SYF2: variants seen among roughly 807,000 people sequenced by gnomAD.
SYF2 encodes the protein SYF2 pre-mRNA splicing factor.
In SYF2, 21 loss-of-function variants were observed where a neutral mutation model predicts 32.7. The observed-to-expected ratio is 0.64, with a 90% CI of 0.45 to 0.92. The LOEUF (loss-of-function observed/expected upper bound fraction) is 0.92, where lower values mean the gene tolerates loss of function less well. SYF2 is among the 40% of genes least tolerant of loss of function. The pLI, the probability that SYF2 is intolerant of heterozygous loss-of-function variation, is 0.00. For synonymous variants in SYF2, 114 were observed against 103.9 expected, an observed-to-expected ratio of 1.10 and a Z score of -0.59; for missense variants, 278 against 296.5, an observed-to-expected ratio of 0.94 and a Z score of 0.46.
Position 25,225,571 on chromosome 1 carries a change from A to ATG in SYF2, c.468-473_468-472dup, listed in dbSNP as rs1475747363. On this transcript the variant is annotated intron_variant, in intron 5 of 6. Coordinates refer to ENST00000236273, the MANE Select transcript of SYF2 (RefSeq NM_015484.5). ...TAATTAAAAGAATTAAAATAGGACCATGTGGAGGCCAGGCGCAGTGGCTCA... is the reference window on the plus strand; with the variant it reads ...TAATTAAAAGAATTAAAATAGGACCATGTGTGGAGGCCAGGCGCAGTGGCTCA... Among the ~76,000 whole-genome samples the ATG allele has an allele frequency of 5.3e-5, 8 of 151,686 alleles. 1 individual carries two copies. In the South Asian group the frequency reaches 1.0e-3, roughly 20 times the overall value.
At chr1:25,227,319 C>T in intron 5 of SYF2, 123 bp downstream of exon 5, 1 of 793,446 alleles carries the variant, frequency 1.3e-6, no homozygotes, top group Non-Finnish European at 2.0e-6. Context: ...AAACAGAGAC[C>T]ATCCTTAGAC....
At chr1:25,227,028 A>G (rs1379176086) in intron 5 of SYF2, among the ~76,000 whole-genome samples, 1 of 151,712 alleles carries the variant, frequency 6.6e-6, no homozygotes, top group Non-Finnish European at 1.5e-5. Context: ...CACGCCTGTA[A>G]TCCCAGCACT....
intron 5 of SYF2, among the ~76,000 whole-genome samples, chr1:25,225,984 C>T (rs1429306571): frequency 2.0e-5 from 3 of 151,622 alleles, no homozygotes; most frequent in Non-Finnish European, 2.9e-5. Context: ...GGTGAAACCC[C>T]ATCTCTACTA....
rs767174638 is a variant in SYF2 at position 25,223,399 on chromosome 1, C to T, written c.599G>A (p.Arg200His). Residue 200 changes from arginine (R) to histidine (H), a missense_variant, in exon 7 of 7, where the codon CGT becomes CAT. Transcript: ENST00000236273. ...GATATCTGCATCATCATTATAAGGACGTCTCCGGCTATATTTGTCTCGTTT... is the reference window on the plus strand; with the variant it reads ...GATATCTGCATCATCATTATAAGGATGTCTCCGGCTATATTTGTCTCGTTT... ...IEKRDKYSRR[R>H]PYNDDADIDY... The T allele has an allele frequency of 3.8e-5, 62 of 1,611,338 alleles. No individual in the cohort carries two copies. The highest frequency in any genetic ancestry group is 1.7e-4 in the Middle Eastern group (1 of 6,030).
At chr1:25,227,389 A>T (rs957145750) in intron 5 of SYF2, 53 bp downstream of exon 5, 12 of 1,366,838 alleles carry the variant, frequency 8.8e-6, no homozygotes, top group Non-Finnish European at 1.2e-5. Flanking sequence ...ACATGTATAC[A>T]CACACACACA....
intron 2 of SYF2, among the ~76,000 whole-genome samples, chr1:25,229,676 G>T (rs1638588701): frequency 6.6e-6 from 1 of 151,924 alleles, no homozygotes. Context: ...TCGGGAGGCT[G>T]AGGCAGGAGA....
chr1:25,228,178 C>G lies in SYF2; in HGVS notation c.316G>C (p.Glu106Gln). Reference protein sequence around the residue: ...EKVKLLEISAEDAERWERKKK... With the variant: ...EKVKLLEISAQDAERWERKKK... The stretch of plus-strand genomic sequence containing the variant: ...TTCCTCTCCCATCTTTCTGCATCTT[C>G]TGCACTGATCTCCAGCAACTTCACT... The change falls in exon 4 of 7, where the codon GAA becomes CAA. Residue 106 changes from glutamate to glutamine, a missense_variant. By Grantham distance (29) the Glu-to-Gln change is conservative. Transcript: ENST00000236273. 6.2e-7 allele frequency: 1 copy of G among 1,613,874 alleles called. No individual in the cohort carries two copies. Among genetic ancestry groups the G allele is most frequent in the Non-Finnish European group, 8.5e-7 (1 of 1,180,010 alleles).
In SYF2 at chr1:25,223,149, T is replaced by G. The variant is rs1463524027; in HGVS notation, c.*117A>C. 1.1e-6 allele frequency: 1 copy of G among 882,046 alleles called. No individual in the cohort carries two copies. The highest frequency in any genetic ancestry group is 1.7e-6 in the Non-Finnish European group (1 of 586,432). 54.6% of individuals were successfully genotyped at this position (882,046 alleles called of 1,614,324 possible). On this transcript the variant is annotated 3_prime_UTR_variant, in exon 7 of 7. Transcript: ENST00000236273. ...CACATTTTTATTTCTAAATGCTGAG[T>G]GAGAAGGCATGGACTACTAAATTCT...
Position 25,223,067 on chromosome 1 carries a change from T to C in SYF2, c.*199A>G. 4.3e-6 allele frequency: 2 copies of C among 461,366 alleles called. 1 individual carries two copies. Among genetic ancestry groups the C allele is most frequent in the South Asian group, 9.3e-5 (2 of 21,510 alleles). 28.6% of individuals were successfully genotyped at this position (461,366 alleles called of 1,614,324 possible). On this transcript the variant is annotated 3_prime_UTR_variant, in exon 7 of 7. Coordinates refer to ENST00000236273, the MANE Select transcript of SYF2 (RefSeq NM_015484.5). ...ACAACTTCACTACAAGAAATACATC[T>C]TATATCCAAGCACAAAAATGTGGAA...
intron 2 of SYF2, among the ~76,000 whole-genome samples, chr1:25,229,658 C>T (rs1404025543): frequency 6.6e-6 from 1 of 152,012 alleles, no homozygotes; most frequent in African/African-American, 2.4e-5. Flanking sequence ...ACCTGTAATC[C>T]TAGCTACTCG....
intron 3 of SYF2, 117 bp from the exon 4 acceptor site, chr1:25,228,352 T>C (rs1183538179): frequency 7.5e-6 from 7 of 931,446 alleles, no homozygotes; most frequent in Non-Finnish European, 9.6e-6. Flanking sequence ...ATTTTTTTAG[T>C]TGGAGTTTCA....
intron 5 of SYF2, 84 bp from the exon 6 acceptor site, chr1:25,225,184 G>C: frequency 4.5e-6 from 4 of 881,386 alleles, no homozygotes; most frequent in Non-Finnish European, 7.7e-6. Flanking sequence ...TACATGATAA[G>C]AAAGTATACA....
In SYF2 at chr1:25,225,048, G is replaced by A. The variant is rs1400693232; in HGVS notation, c.520C>T (p.Pro174Ser). 1.2e-6 allele frequency: 2 copies of A among 1,614,052 alleles called. No homozygotes were observed. The highest frequency in any genetic ancestry group is 1.3e-5 in the African/African-American group (1 of 75,024). Residue 174 changes from proline (P) to serine (S), a missense_variant, in exon 6 of 7, where the codon CCT becomes TCT. Physicochemically the swap from Pro to Ser is moderately conservative, Grantham distance 74. Transcript: ENST00000236273. ...SNSLLHGTHV[P>S]STEEIDRMVI... ...ATCCTGTCAATTTCCTCTGTGGAAG[G>A]CACATGTGTTCCATGAAGAAGACTA...
Position 25,222,304 on chromosome 1 carries a change from G to A in SYF2, c.*962C>T, listed in dbSNP as rs1040780260. 6.6e-6 allele frequency among the ~76,000 whole-genome samples: 1 copy of A among 152,056 alleles called. No individual in the cohort carries two copies. The highest frequency in any genetic ancestry group is 2.4e-5 in the African/African-American group (1 of 41,422). On this transcript the variant is annotated 3_prime_UTR_variant, in exon 7 of 7. Transcript: ENST00000236273. The stretch of plus-strand genomic sequence containing the variant: ...GATATTTAGCATTTAATTCAACATA[G>A]AGAAAAAATAACAACCTTTCCCTCT...
chr1:25,225,212 A>G (rs1237707402), intron 5 of SYF2, 112 bp from the exon 6 acceptor site: 1 of 711,998 alleles, frequency 1.4e-6, no homozygotes, highest in Non-Finnish European at 2.5e-6. Context: ...TTACTGTGAG[A>G]TCCTACTTTA....
chr1:25,229,676 G>A (rs1638588701), intron 2 of SYF2, among the ~76,000 whole-genome samples: 1 of 151,924 alleles, frequency 6.6e-6, no homozygotes, highest in Non-Finnish European at 1.5e-5. Context: ...TCGGGAGGCT[G>A]AGGCAGGAGA....
At position 25,228,099 on chromosome 1, in the gene SYF2, C is replaced by T; in HGVS notation, c.376+19G>A. The T allele has an allele frequency of 6.3e-7, 1 of 1,589,844 alleles. No individual in the cohort carries two copies. The highest frequency in any genetic ancestry group is 8.6e-7 in the Non-Finnish European group (1 of 1,158,452). ...GACTAACAGCCCAGTCAATAAGGTT[C>T]AATAAAGGTCAATCTGACCTGAAAA... On this transcript the variant is annotated intron_variant, in intron 4 of 6. Transcript: ENST00000236273.
At position 25,232,201 on chromosome 1, in the gene SYF2, TCCA is replaced by T; in HGVS notation, c.32_34del (p.Val11del). On this transcript the variant is annotated inframe_deletion, in exon 2 of 7. Transcript: ENST00000236273. ...AGCGAGGGACCCCTCCTCCGCGCTG[TCCA>T]CCAGCACCTGCGACAAGGAGAACTG... The T allele has an allele frequency of 6.2e-7, 1 of 1,613,412 alleles. No homozygotes were observed. The highest frequency in any genetic ancestry group is 2.2e-5 in the East Asian group (1 of 44,876).
At chr1:25,224,225 C>A (rs1303567068) in intron 6 of SYF2, among the ~76,000 whole-genome samples, 2 of 151,902 alleles carry the variant, frequency 1.3e-5, no homozygotes, top group Non-Finnish European at 2.9e-5. Context: ...ATAATAACCA[C>A]AGCTAATACT....
Sources: allele counts gnomAD v4.1 joint callset (sites outside exome capture counted in the v4.1 genomes callset), GRCh38; gene constraint gnomAD v4.1.1; transcripts MANE v1.5; gene names NCBI Gene and HGNC (gene_info 2026-07-23, HGNC 2026-07-21).